IK: variants seen among roughly 807,000 people sequenced by gnomAD.
IK encodes the protein protein Red.
A neutral mutation model predicts 90.9 loss-of-function variants in IK; 47 were observed. That is an observed-to-expected ratio of 0.52 (90% confidence interval 0.41 to 0.66). The LOEUF (loss-of-function observed/expected upper bound fraction) is 0.66, where lower values mean the gene tolerates loss of function less well. IK is among the 30% of genes least tolerant of loss of function. The pLI is 0.00. For missense variants in IK, 385 were observed against 709.3 expected (o/e 0.54, Z 5.19); for synonymous variants, 201 against 227.5 (o/e 0.88, Z 1.05).
At chr5:140,650,791 C>A (rs1757601914) in intron 2 of IK, among the ~76,000 whole-genome samples, 1 of 152,100 alleles carries the variant, frequency 6.6e-6, no homozygotes, top group Non-Finnish European at 1.5e-5. Flanking sequence ...GTTGGCCATG[C>A]TGGTCTTGAA....
intron 10 of IK, among the ~76,000 whole-genome samples, chr5:140,658,168 G>T (rs1013890320): frequency 6.6e-6 from 1 of 151,740 alleles, no homozygotes; most frequent in African/African-American, 2.4e-5. Flanking sequence ...ACCACGCCTG[G>T]CTAATTTTTG....
At chr5:140,652,535 T>A (rs1757630868) in intron 4 of IK, among the ~76,000 whole-genome samples, 1 of 152,180 alleles carries the variant, frequency 6.6e-6, no homozygotes, top group Non-Finnish European at 1.5e-5. Flanking sequence ...CATTATTATA[T>A]CATCATCGTT....
chr5:140,649,369 C>T (rs1032677623), intron 2 of IK, among the ~76,000 whole-genome samples: 3 of 139,154 alleles, frequency 2.2e-5, no homozygotes, highest in Non-Finnish European at 4.8e-5. Context: ...CCACCATGCA[C>T]GACTGATTTT....
chr5:140,659,131 C>T lies in IK; in HGVS notation c.1143C>T (p.His381=). ...DREREEEKKR[H]SYFEKPKVDD... Reference sequence around the variant, plus strand: ...AGAGAGAAGAGGAAAAGAAGAGACACAGCTACTTTGAGAAGCCAAAAGTAG... The same window carrying T: ...AGAGAGAAGAGGAAAAGAAGAGACATAGCTACTTTGAGAAGCCAAAAGTAG... Residue 381 remains histidine, a synonymous_variant, in exon 12 of 20, where the codon CAC becomes CAT. Transcript: ENST00000417647. 1 of 1,596,878 alleles carries T rather than the reference C, an allele frequency of 6.3e-7. No individual in the cohort carries two copies. Among genetic ancestry groups the T allele is most frequent in the African/African-American group, 1.3e-5 (1 of 74,642 alleles).
Position 140,648,458 on chromosome 5 carries a change from T to C in IK, c.17-13T>C, listed in dbSNP as rs767909619. ...AAGAGACTGATTAAATTAACGTCAA[T>C]TTTTTTTGTCAGGTGAGCCGTTCTC... On this transcript the variant is annotated splice_polypyrimidine_tract_variant and intron_variant, in intron 1 of 19. Transcript: ENST00000417647. 15 of 1,604,320 alleles carry C rather than the reference T, an allele frequency of 9.3e-6. No homozygotes were observed. Among genetic ancestry groups the C allele is most frequent in the Non-Finnish European group, 1.3e-5 (15 of 1,171,866 alleles).
intron 8 of IK, among the ~76,000 whole-genome samples, chr5:140,655,627 C>G (rs572990415): frequency 6.6e-6 from 1 of 152,312 alleles, no homozygotes; most frequent in South Asian, 2.1e-4. Context: ...AGATACATGA[C>G]TTTAGGTAAA....
chr5:140,654,559 T>A lies in IK; in HGVS notation c.563T>A (p.Leu188Gln). Residue 188 changes from leucine (L) to glutamine (Q), a missense_variant, in exon 7 of 20, where the codon CTG becomes CAG. Transcript: ENST00000417647. The stretch of plus-strand genomic sequence containing the variant: ...AGCAAAGAGAAAGAGGAAGAGGAAC[T>A]GATGGAAAAGCCCCAGAAAGAAACC... The part of the protein sequence containing the change: ...IASKEKEEEE[L>Q]MEKPQKETKK... 6.3e-7 allele frequency: 1 copy of A among 1,590,968 alleles called. No individual in the cohort carries two copies. Among genetic ancestry groups the A allele is most frequent in the Non-Finnish European group, 8.6e-7 (1 of 1,168,014 alleles).
rs1757797485 is a variant in IK at position 140,661,182 on chromosome 5, A to G, written c.1413+367A>G. On this transcript the variant is annotated intron_variant, in intron 16 of 19. Coordinates refer to ENST00000417647, the MANE Select transcript of IK (RefSeq NM_006083.4). The surrounding 1 kb of genome is among the most constrained non-coding windows in gnomAD (Gnocchi z 4.2). ...GATTGAAGTTTTCCTCTAAGTCTTA[A>G]GCAAAATTAAAAAGAAAAAAACCAC... The G allele has an allele frequency of 7.5e-6, 2 of 268,240 alleles. No homozygotes were observed. The highest frequency in any genetic ancestry group is 7.7e-5 in the East Asian group (1 of 13,026). 16.6% of individuals were successfully genotyped at this position (268,240 alleles called of 1,614,324 possible).
intron 18 of IK, 22 bp downstream of exon 18, chr5:140,662,029 G>A: frequency 6.3e-7 from 1 of 1,583,910 alleles, no homozygotes; most frequent in Non-Finnish European, 8.6e-7. Context: ...GGCCCCTTGG[G>A]TGGGAGGGTT....
chr5:140,655,846 A>G lies in IK; in HGVS notation c.655A>G (p.Met219Val), dbSNP rs1482396558. The G allele has an allele frequency of 1.2e-6, 2 of 1,610,824 alleles. No homozygotes were observed. The highest frequency in any genetic ancestry group is 2.2e-5 in the East Asian group (1 of 44,834). Residue 219 changes from methionine to valine, a missense_variant, in exon 9 of 20, where the codon ATG (methionine) becomes GTG (valine). This residue lies in a region of IK where 46 missense variants were observed against 50.0 expected (regional missense o/e 0.92). Transcript: ENST00000417647. Reference sequence around the variant, plus strand: ...TATTGTAGGCCGCAATGTTTACCGAATGCTTTTTAAGAGCAAAGCATATGA... The same window carrying G: ...TATTGTAGGCCGCAATGTTTACCGAGTGCTTTTTAAGAGCAAAGCATATGA... Reference protein sequence around the residue: ...KTRLGRNVYRMLFKSKAYERN... With the variant: ...KTRLGRNVYRVLFKSKAYERN...
Position 140,661,388 on chromosome 5 carries a change from T to C in IK, c.1414-232T>C, listed in dbSNP as rs980218857. The stretch of plus-strand genomic sequence containing the variant: ...CTCATCAGGAAAATGGAGAGAAATA[T>C]AGTTCCCTCTTCATAGATTTTATGA... On this transcript the variant is annotated intron_variant, in intron 16 of 19. Coordinates refer to ENST00000417647, the MANE Select transcript of IK (RefSeq NM_006083.4). This position sits in a 1 kb window ranked among gnomAD's most constrained non-coding sequence, Gnocchi z 4.2. 6 of 490,648 alleles carry C rather than the reference T, an allele frequency of 1.2e-5. No individual in the cohort carries two copies. The highest frequency in any genetic ancestry group is 3.9e-5 in the Admixed American group (1 of 25,896). 30.4% of individuals were successfully genotyped at this position (490,648 alleles called of 1,614,324 possible).
rs1023910818 is a variant in IK, at chr5:140,648,032, GTGTGTGTGTGTGTATGTA to G, written c.16+112_16+129del. 184 of 1,058,620 alleles carry G rather than the reference GTGTGTGTGTGTGTATGTA, an allele frequency of 1.7e-4. 1 individual carries two copies. The highest frequency in any genetic ancestry group is 8.8e-4 in the African/African-American group (51 of 57,894). 65.6% of individuals were successfully genotyped at this position (1,058,620 alleles called of 1,614,324 possible). On this transcript the variant is annotated intron_variant, in intron 1 of 19. Coordinates refer to ENST00000417647, the MANE Select transcript of IK (RefSeq NM_006083.4). Reference sequence around the variant, plus strand: ...GGTGTGTGTGTGTGTGTGTGTGTGTGTGTGTGTGTGTGTATGTATGTATGTGTGACGCTTGAGCCCGGA... The same window carrying G: ...GGTGTGTGTGTGTGTGTGTGTGTGTGTGTATGTGTGACGCTTGAGCCCGGA...
chr5:140,648,742 T>A, intron 2 of IK: 1 of 143,206 alleles, frequency 7.0e-6, no homozygotes, highest in Non-Finnish European at 1.2e-5. Context: ...AGGTGTTAAG[T>A]TTTTTTTTTT....
rs1175938733 is a variant in IK at position 140,660,205 on chromosome 5, A to T, written c.1355+10A>T. On this transcript the variant is annotated intron_variant, in intron 15 of 19. Coordinates refer to ENST00000417647, the MANE Select transcript of IK (RefSeq NM_006083.4). ...AGTGCTACCCAGCCACGTATGTGAA[A>T]CCTGGTTAAGGAAGGGAGGCTGGGA... 6.2e-7 allele frequency: 1 copy of T among 1,603,182 alleles called. No individual in the cohort carries two copies. Among genetic ancestry groups the T allele is most frequent in the Non-Finnish European group, 8.5e-7 (1 of 1,170,954 alleles).
chr5:140,655,391 G>A (rs1156482638), intron 8 of IK, among the ~76,000 whole-genome samples: 1 of 152,156 alleles, frequency 6.6e-6, no homozygotes, highest in Non-Finnish European at 1.5e-5. Context: ...CTTTATTGTA[G>A]GGATGAAGAA....
intron 18 of IK, 79 bp downstream of exon 18, chr5:140,662,086 G>A (rs1757809451): frequency 6.3e-7 from 1 of 1,583,664 alleles, no homozygotes; most frequent in Non-Finnish European, 8.6e-7. Context: ...ACAGGCAAGG[G>A]GCTGGAGAGC....
intron 10 of IK, 90 bp from the exon 11 acceptor site, chr5:140,658,647 T>A: frequency 9.1e-7 from 1 of 1,101,032 alleles, no homozygotes; most frequent in African/African-American, 1.6e-5. Flanking sequence ...CAGAAGATGT[T>A]TAAAAGGGCA....
At position 140,661,836 on chromosome 5, in the gene IK, C is replaced by T. The variant is rs1212404729; in HGVS notation, c.1503-63C>T. ...CACTAAGTTCTTTGCCCACAGGACT[C>T]TGGGAAAACCTCGCCACTGCTATGC... is the stretch of plus-strand genomic sequence containing the variant. On this transcript the variant is annotated intron_variant, in intron 17 of 19. Transcript: ENST00000417647. The surrounding 1 kb of genome is among the most constrained non-coding windows in gnomAD (Gnocchi z 4.2). The T allele has an allele frequency of 6.7e-7, 1 of 1,485,944 alleles. No homozygotes were observed. The highest frequency in any genetic ancestry group is 9.2e-7 in the Non-Finnish European group (1 of 1,084,056). The allele number at this position is 1,485,944 out of a possible 1,614,324, so 92.0% of individuals were successfully genotyped here.
chr5:140,652,908 AGGAACAGTTCTGTT>A, intron 4 of IK, 55 bp from the exon 5 acceptor site: 1 of 1,463,106 alleles, frequency 6.8e-7, no homozygotes, highest in Non-Finnish European at 9.5e-7. Context: ...GGAAGCAAGC[AGGAACAGTTCTGTT>A]GACCTTGAGG....
Sources: gnomAD v4.1 joint callset for allele counts (sites outside exome capture counted in the v4.1 genomes callset) on GRCh38, gnomAD v4.1.1 for gene constraint, gnomAD v4.1.1 regional missense constraint, Gnocchi (gnomAD v3.1) non-coding constraint, MANE v1.5 for transcripts, NCBI Gene and HGNC (gene_info 2026-07-23, HGNC 2026-07-21) for gene names.